UGT1A10: variants seen among roughly 807,000 people sequenced by gnomAD.
UGT1A10 encodes UDP-glucuronosyltransferase 1A10.
A neutral mutation model predicts 45.8 loss-of-function variants in UGT1A10; 49 were observed. The ratio of observed to expected loss-of-function variants is 1.07; its 90% CI spans 0.85 to 1.36. The LOEUF (loss-of-function observed/expected upper bound fraction) is 1.36, where lower values mean the gene tolerates loss of function less well. Among genes scored for constraint, UGT1A10 ranks in the 40% most tolerant of loss-of-function variants. The probability of loss-of-function intolerance (pLI) is 0.00; values close to 1 mark genes in which losing one functional copy is unlikely to be tolerated. For synonymous variants in UGT1A10, 284 were observed against 249.7 expected, an observed-to-expected ratio of 1.14 and a Z score of -1.29; for missense variants, 745 against 668.6, an observed-to-expected ratio of 1.11 and a Z score of -1.26.
Position 233,733,786 on chromosome 2 carries a change from C to A in UGT1A10, c.856-33248C>A, listed in dbSNP as rs149311802. Among the ~76,000 whole-genome samples the A allele has an allele frequency of 6.6e-4, 100 of 152,236 alleles. 1 individual carries two copies. The highest frequency in any genetic ancestry group is 1.9e-3 in the African/African-American group (79 of 41,542). On this transcript the variant is annotated intron_variant, in intron 1 of 4. Transcript: ENST00000344644. ...ATTTTCTTTTTTTGTTGTGTCCCTG[C>A]CAACCTTTGGTATCAGGATGATGCT...
chr2:233,659,576 A>T (rs2073925468), intron 1 of UGT1A10, among the ~76,000 whole-genome samples: 1 of 152,074 alleles, frequency 6.6e-6, no homozygotes, highest in Non-Finnish European at 1.5e-5. Flanking sequence ...GAGGAAGAGG[A>T]GGGGTTGGTC....
chr2:233,768,681 C>T lies in UGT1A10; in HGVS notation c.1295+242C>T, dbSNP rs537750391. On this transcript the variant is annotated intron_variant, in intron 4 of 4. Coordinates refer to ENST00000344644, the MANE Select transcript of UGT1A10 (RefSeq NM_019075.4). Reference sequence around the variant, plus strand: ...GGCTTACTGCAACCTCCACCTCCCACGTTCAAGCAGTTCTGCCTCAGCCTC... The same window carrying T: ...GGCTTACTGCAACCTCCACCTCCCATGTTCAAGCAGTTCTGCCTCAGCCTC... 2.7e-5 allele frequency among the ~76,000 whole-genome samples: 4 copies of T among 148,006 alleles called. No individual in the cohort carries two copies. The East Asian group carries it at 6.1e-4, about 23-fold the overall frequency.
chr2:233,693,527 C>T, intron 1 of UGT1A10: 2 of 1,614,200 alleles, frequency 1.2e-6, no homozygotes, highest in Non-Finnish European at 1.7e-6. Flanking sequence ...CAGGGGTTTT[C>T]CGTGTTCCCT....
chr2:233,671,262 G>A (rs575282152), intron 1 of UGT1A10, among the ~76,000 whole-genome samples: 1 of 152,324 alleles, frequency 6.6e-6, no homozygotes, highest in East Asian at 1.9e-4. Context: ...CACTGCGTGC[G>A]ATGTATCTTA....
intron 1 of UGT1A10, among the ~76,000 whole-genome samples, chr2:233,652,717 G>T (rs531358664): frequency 6.6e-6 from 1 of 152,288 alleles, no homozygotes; most frequent in South Asian, 2.1e-4. Flanking sequence ...CTGTTCAAAT[G>T]GGAAAGAATA....
chr2:233,772,331 C>T lies in UGT1A10; in HGVS notation c.1365C>T (p.Ala455=), dbSNP rs755348390. 16 of 1,614,018 alleles carry T rather than the reference C, an allele frequency of 9.9e-6. No homozygotes were observed. The highest frequency in any genetic ancestry group is 5.0e-5 in the Admixed American group (3 of 59,996). The change falls in exon 5 of 5, where the codon GCC becomes GCT. Residue 455 remains alanine (A), a synonymous_variant. Coordinates refer to ENST00000344644, the MANE Select transcript of UGT1A10 (RefSeq NM_019075.4). ...KDRPVEPLDL[A]VFWVEFVMRH... is the part of the protein sequence containing the mutation. ...GCCCGGTGGAGCCGCTGGACCTGGC[C>T]GTGTTCTGGGTGGAGTTTGTGATGA...
chr2:233,703,422 ATTGC>A (rs1478163574), intron 1 of UGT1A10, among the ~76,000 whole-genome samples: 1 of 151,304 alleles, frequency 6.6e-6, no homozygotes, highest in East Asian at 1.9e-4. Context: ...ATTTTTCTCT[ATTGC>A]TTCTCTATTT....
chr2:233,685,470 T>C (rs2074740106), intron 1 of UGT1A10, among the ~76,000 whole-genome samples: 2 of 152,234 alleles, frequency 1.3e-5, no homozygotes, highest in Admixed American at 6.5e-5. Flanking sequence ...CCAGTGCAGC[T>C]CTGGAGAACT....
intron 1 of UGT1A10, among the ~76,000 whole-genome samples, chr2:233,720,156 G>A (rs547433908): frequency 5.6e-4 from 86 of 152,302 alleles, no homozygotes; most frequent in Non-Finnish European, 7.8e-4. Context: ...ACAGGAAGTA[G>A]AAGTGTCAAA....
chr2:233,722,730 C>T (rs1168734354), intron 1 of UGT1A10, among the ~76,000 whole-genome samples: 1 of 151,932 alleles, frequency 6.6e-6, no homozygotes, highest in Non-Finnish European at 1.5e-5. Flanking sequence ...TTAAATTTCT[C>T]CTTTGATGCA....
intron 1 of UGT1A10, chr2:233,729,360 A>G (rs17868336): frequency 0.038 from 60,794 of 1,614,118 alleles, 1,450 homozygotes; most frequent in Non-Finnish European, 0.047. Flanking sequence ...TCACCCTGAC[A>G]ACCTATGCCA....
intron 3 of UGT1A10, 52 bp downstream of exon 3, chr2:233,767,988 A>G (rs1699538477): frequency 6.2e-7 from 1 of 1,614,042 alleles, no homozygotes; most frequent in Admixed American, 1.7e-5. Flanking sequence ...AATTAAGAAA[A>G]TGGCTTAAGC....
At chr2:233,747,383 G>A (rs979148855) in intron 1 of UGT1A10, 12 of 1,605,438 alleles carry the variant, frequency 7.5e-6, no homozygotes, top group Admixed American at 3.3e-5. Flanking sequence ...GAGGCCACCA[G>A]GCGGTGGTCC....
At chr2:233,651,798 C>T (rs542100560) in intron 1 of UGT1A10, among the ~76,000 whole-genome samples, 8 of 152,196 alleles carry the variant, frequency 5.3e-5, no homozygotes, top group South Asian at 2.1e-4. Context: ...TGTGTCCACG[C>T]GTGTTTGTGT....
rs891912546 is a variant in UGT1A10, at chr2:233,648,126, A to G, written c.855+10749A>G. 2.1e-5 allele frequency: 28 copies of G among 1,353,836 alleles called. No homozygotes were observed. The South Asian group carries it at 3.1e-4, about 15-fold the overall frequency. The allele number at this position is 1,353,836 out of a possible 1,614,324, so 83.9% of individuals were successfully genotyped here. A position where few individuals can be genotyped will look rare whatever the true frequency, so the allele number is the denominator to read the frequency against. On this transcript the variant is annotated intron_variant, in intron 1 of 4. Coordinates refer to ENST00000344644, the MANE Select transcript of UGT1A10 (RefSeq NM_019075.4). ...AGTTCATGGCTTTTGCCAATGCTCAATGGGAAGCAGAAGTACGACGCTTAT... is the reference window on the plus strand; with the variant it reads ...AGTTCATGGCTTTTGCCAATGCTCAGTGGGAAGCAGAAGTACGACGCTTAT...
chr2:233,636,618 C>T lies in UGT1A10; in HGVS notation c.96C>T (p.Pro32=). 1 of 1,614,108 alleles carries T rather than the reference C, an allele frequency of 6.2e-7. No homozygotes were observed. ...AGGCAGGGAAGCTGCTGGTAGTGCC[C>T]ATGGATGGGAGTCACTGGTTCACCA... ...FAEAGKLLVV[P]MDGSHWFTMQ... The change falls in exon 1 of 5, where the codon CCC becomes CCT. Residue 32 remains proline, a synonymous_variant. Transcript: ENST00000344644.
At chr2:233,760,687 A>C in intron 1 of UGT1A10, 1 of 1,614,232 alleles carries the variant, frequency 6.2e-7, no homozygotes, top group Non-Finnish European at 8.5e-7. Context: ...ACTGCACAAC[A>C]AGGAGCTCAT....
intron 1 of UGT1A10, among the ~76,000 whole-genome samples, chr2:233,679,700 C>G (rs892784889): frequency 1.3e-5 from 2 of 152,128 alleles, no homozygotes; most frequent in Non-Finnish European, 1.5e-5. Flanking sequence ...GGCTGGTTCT[C>G]CTGTTATCTG....
chr2:233,709,154 G>A (rs2076061128), intron 1 of UGT1A10, among the ~76,000 whole-genome samples: 1 of 152,156 alleles, frequency 6.6e-6, no homozygotes, highest in Non-Finnish European at 1.5e-5. Context: ...CTGATTGGTT[G>A]AGGCCTAGGT....
Sources: allele counts gnomAD v4.1 joint callset (sites outside exome capture counted in the v4.1 genomes callset), GRCh38; gene constraint gnomAD v4.1.1; transcripts MANE v1.5; gene names NCBI Gene and HGNC (gene_info 2026-07-23, HGNC 2026-07-21).